Variants in CDH26 observed in about 807,000 individuals in gnomAD.
CDH26 encodes cadherin-like protein 26.
In CDH26, 83 loss-of-function variants were observed where a neutral mutation model predicts 90.3. The observed-to-expected ratio is 0.92, with a 90% CI of 0.77 to 1.10. The LOEUF is 1.10. Among genes scored for constraint, CDH26 ranks in the 50% least tolerant of loss-of-function variants. The pLI is 0.00. For missense variants in CDH26, 1,013 were observed against 1,037.6 expected, an observed-to-expected ratio of 0.98 and a Z score of 0.33; for synonymous variants, 397 against 396.3, an observed-to-expected ratio of 1.00 and a Z score of -0.02.
intron 17 of CDH26, among the ~76,000 whole-genome samples, chr20:60,010,734 T>C (rs1182725302): frequency 1.3e-5 from 2 of 151,940 alleles, no homozygotes; most frequent in African/African-American, 4.8e-5. Context: ...GAGGAGGAGA[T>C]GGTGAGAAGA....
chr20:59,964,206 G>A (rs2061116340), intron 1 of CDH26, among the ~76,000 whole-genome samples: 2 of 152,208 alleles, frequency 1.3e-5, no homozygotes, highest in African/African-American at 4.8e-5. Context: ...TTAGTATCCT[G>A]TATAGTCACA....
At chr20:60,027,225 C>G (rs921720025) in intron 7 of CDH26, among the ~76,000 whole-genome samples, 27 of 152,046 alleles carry the variant, frequency 1.8e-4, no homozygotes, top group African/African-American at 6.3e-4. Context: ...TTGTATATGG[C>G]TCAGGTGAAA....
Position 59,958,520 on chromosome 20 carries a change from C to T in CDH26, c.-207C>T, listed in dbSNP as rs1282710056. The stretch of plus-strand genomic sequence containing the variant: ...TGTGGCAAACGTATGTTCAAGCTTA[C>T]AAGTCAGCCCACCCCACTCTGATAA... On this transcript the variant is annotated 5_prime_UTR_variant, in exon 1 of 18. An upstream open reading frame in the 5' UTR gains an earlier in-frame stop. Coordinates refer to ENST00000348616, the MANE Select transcript of CDH26 (RefSeq NM_177980.4). The T allele has an allele frequency of 1.6e-6, 1 of 612,618 alleles. No individual in the cohort carries two copies. Among genetic ancestry groups the T allele is most frequent in the East Asian group, 2.7e-5 (1 of 36,390 alleles). The allele number at this position is 612,618 out of a possible 1,614,324, so 37.9% of individuals were successfully genotyped here.
At chr20:59,959,528 G>C (rs767509678) in intron 1 of CDH26, among the ~76,000 whole-genome samples, 4 of 151,442 alleles carry the variant, frequency 2.6e-5, no homozygotes, top group Non-Finnish European at 5.9e-5. Context: ...AGCCTCCCGA[G>C]TACTGGGACT....
intron 17 of CDH26, 134 bp downstream of exon 17, chr20:60,006,921 A>T (rs1272691210): frequency 7.6e-6 from 5 of 661,000 alleles, no homozygotes; most frequent in Non-Finnish European, 1.3e-5. Context: ...AAAATACCAT[A>T]GCCTGACTGG....
At chr20:59,967,961 TTCTTTC>T (rs1425995146) in intron 1 of CDH26, among the ~76,000 whole-genome samples, 4 of 22,332 alleles carry the variant, frequency 1.8e-4, no homozygotes, top group Admixed American at 1.7e-3. Flanking sequence ...CTTTCTATCT[TTCTTTC>T]TTTCTTTCTT....
Position 59,984,729 on chromosome 20 carries a change from C to G in CDH26, c.632C>G (p.Pro211Arg). 6.2e-7 allele frequency: 1 copy of G among 1,613,914 alleles called. No individual in the cohort carries two copies. The change falls in exon 6 of 18, where the codon CCA becomes CGA. Residue 211 changes from proline to arginine, a missense_variant. Physicochemically the swap from Pro to Arg is moderately radical, Grantham distance 103. Transcript: ENST00000348616. The part of the protein sequence containing the change: ...QVLYFLISQT[P>R]LLKESGFRVD... ...CTTTACTTCCTCATTTCTCAAACAC[C>G]ATTACTGAAAGAAAGTGGTTTCCGG...
At chr20:59,984,595 G>C in intron 5 of CDH26, 44 bp from the exon 6 acceptor site, 2 of 1,533,104 alleles carry the variant, frequency 1.3e-6, no homozygotes, top group African/African-American at 1.4e-5. Context: ...GGTTTGATAG[G>C]CTACCTTTAT....
intron 4 of CDH26, among the ~76,000 whole-genome samples, chr20:59,981,962 G>C (rs1333054820): frequency 6.6e-6 from 1 of 151,886 alleles, no homozygotes; most frequent in African/African-American, 2.4e-5. Context: ...GACTATACAG[G>C]TTTTCTGTTT....
chr20:59,979,486 C>T (rs1044764206), intron 4 of CDH26, among the ~76,000 whole-genome samples: 8 of 151,964 alleles, frequency 5.3e-5, no homozygotes, highest in South Asian at 4.1e-4. Flanking sequence ...CGTGAGCCGC[C>T]GTGCCCAGCC....
At position 59,983,084 on chromosome 20, in the gene CDH26, G is replaced by A. The variant is rs902338645; in HGVS notation, c.541+14G>A. The A allele has an allele frequency of 1.9e-6, 3 of 1,611,162 alleles. No homozygotes were observed. The highest frequency in any genetic ancestry group is 2.5e-6 in the Non-Finnish European group (3 of 1,178,290). ...ACCAATCTGCAGGTGTGTGCGGCTG[G>A]GGGGCTGCCGGGCTTCCTTCTGTCT... On this transcript the variant is annotated intron_variant, in intron 5 of 17. Coordinates refer to ENST00000348616, the MANE Select transcript of CDH26 (RefSeq NM_177980.4).
chr20:60,006,564 C>T (rs1327441378), intron 16 of CDH26, 149 bp from the exon 17 acceptor site: 26 of 600,704 alleles, frequency 4.3e-5, no homozygotes, highest in South Asian at 6.0e-5. Context: ...AGAGAGGAAA[C>T]GTGAGCAAAC....
At position 59,986,757 on chromosome 20, in the gene CDH26, A is replaced by G. The variant is rs372942170; in HGVS notation, c.838-696A>G. Among the ~76,000 whole-genome samples the G allele has an allele frequency of 4.9e-4, 74 of 152,286 alleles. 1 individual carries two copies. The South Asian group carries it at 0.014, about 29-fold the overall frequency. ...CATAGAAGCTGTTGTTGAATAAATG[A>G]TGCAAACAATTATTTTTAAAAGGTG... On this transcript the variant is annotated intron_variant, in intron 7 of 17. Coordinates refer to ENST00000348616, the MANE Select transcript of CDH26 (RefSeq NM_177980.4).
At chr20:59,994,028 T>C (rs1055882564) in intron 10 of CDH26, among the ~76,000 whole-genome samples, 2 of 152,126 alleles carry the variant, frequency 1.3e-5, no homozygotes, top group Non-Finnish European at 2.9e-5. Context: ...GTTCTACAAG[T>C]GATTTGAGGT....
At chr20:60,023,362 A>C (rs1041224972) in intron 7 of CDH26, among the ~76,000 whole-genome samples, 2 of 152,264 alleles carry the variant, frequency 1.3e-5, no homozygotes, top group African/African-American at 4.8e-5. Flanking sequence ...GTGAGCTACA[A>C]GTAGCAGAAC....
chr20:59,968,376 C>G (rs533935962), intron 1 of CDH26, among the ~76,000 whole-genome samples: 1 of 152,074 alleles, frequency 6.6e-6, no homozygotes, highest in East Asian at 1.9e-4. Context: ...GGATTACACG[C>G]GTGAGCCACC....
rs141275082 is a variant in CDH26, at chr20:59,996,651, C to T, written c.1909C>T (p.Arg637Ter). The change falls in exon 13 of 18, where the codon CGA becomes TGA. Residue 637 changes from arginine to a stop codon, truncating the protein, a stop_gained. Transcript: ENST00000348616. LOFTEE classifies it high-confidence loss of function. ...ALAVALLFLL[R>*]CYFVLEPKRH... The stretch of plus-strand genomic sequence containing the variant: ...AACAGTGGCTCTGCTTTTTCTGTTG[C>T]GATGCTATTTTGTGCTTGAACCTAA... 3.0e-4 allele frequency: 481 copies of T among 1,614,070 alleles called. 4 individuals carry two copies. In the South Asian group the frequency reaches 3.4e-3, roughly 11 times the overall value.
At chr20:59,995,793 G>T in intron 11 of CDH26, 40 bp from the exon 12 acceptor site, 1 of 1,563,688 alleles carries the variant, frequency 6.4e-7, no homozygotes, top group South Asian at 1.1e-5. Flanking sequence ...ATGAGCAGAT[G>T]AGTGAGTCAA....
At chr20:60,001,889 A>G (rs190846108) in intron 15 of CDH26, among the ~76,000 whole-genome samples, 2 of 152,260 alleles carry the variant, frequency 1.3e-5, no homozygotes, top group East Asian at 3.9e-4. Flanking sequence ...ATAATTTTAG[A>G]CTAAATAGAA....
Sources: allele counts gnomAD v4.1 joint callset (sites outside exome capture counted in the v4.1 genomes callset), GRCh38; gene constraint gnomAD v4.1.1; transcripts MANE v1.5; gene names NCBI Gene and HGNC (gene_info 2026-07-23, HGNC 2026-07-21).